The following FBXL17 variants were observed in gnomAD, a reference collection of about 807,000 sequenced individuals.
The protein encoded by FBXL17 is F-box/LRR-repeat protein 17.
A neutral mutation model predicts 66.2 loss-of-function variants in FBXL17; 22 were observed. The ratio of observed to expected loss-of-function variants is 0.33; its 90% CI spans 0.24 to 0.47. The LOEUF is 0.47. Ranked by LOEUF, FBXL17 falls within the 20% of genes least tolerant of loss-of-function variation. FBXL17 has a pLI of 1.00. For missense variants in FBXL17, 878 were observed against 948.2 expected (o/e 0.93, Z 0.97); for synonymous variants, 474 against 400.5 (o/e 1.18, Z -2.19).
intron 7 of FBXL17, among the ~76,000 whole-genome samples, chr5:107,890,357 T>TAA (rs397961122): frequency 1.3e-4 from 19 of 141,490 alleles, no homozygotes; most frequent in South Asian, 2.2e-4. Context: ...GGTCTCAGAT[T>TAA]AAAAAAAAAA....
intron 2 of FBXL17, 35 bp from the exon 3 acceptor site, chr5:108,365,030 C>T (rs554444610): frequency 4.0e-6 from 6 of 1,513,508 alleles, no homozygotes; most frequent in Non-Finnish European, 5.4e-6. Context: ...TAAACTTTTG[C>T]TAAAAATAAA....
At chr5:108,113,157 C>G (rs573351261) in intron 6 of FBXL17, among the ~76,000 whole-genome samples, 3 of 152,250 alleles carry the variant, frequency 2.0e-5, no homozygotes, top group Admixed American at 2.0e-4. Flanking sequence ...GGCAGTATTG[C>G]AGGGAAGGTA....
intron 1 of FBXL17, among the ~76,000 whole-genome samples, chr5:108,380,121 C>T (rs897991421): frequency 2.0e-5 from 3 of 152,194 alleles, no homozygotes; most frequent in Non-Finnish European, 4.4e-5. Context: ...TGACTCACTA[C>T]TATAAACCGT....
chr5:107,939,560 G>A (rs1488083153), intron 7 of FBXL17, among the ~76,000 whole-genome samples: 1 of 152,090 alleles, frequency 6.6e-6, no homozygotes, highest in Non-Finnish European at 1.5e-5. Flanking sequence ...TTAATGTCAG[G>A]CTGCTGTATA....
At chr5:108,030,512 T>C (rs1746568493) in intron 6 of FBXL17, among the ~76,000 whole-genome samples, 1 of 152,170 alleles carries the variant, frequency 6.6e-6, no homozygotes, top group South Asian at 2.1e-4. Flanking sequence ...AGATTTGCGT[T>C]ATTTTAAAGG....
At chr5:108,113,783 A>G (rs1331337006) in intron 6 of FBXL17, among the ~76,000 whole-genome samples, 3 of 152,204 alleles carry the variant, frequency 2.0e-5, no homozygotes, top group African/African-American at 4.8e-5. Flanking sequence ...TATCCCCAGA[A>G]TCATTCTATA....
At chr5:108,294,427 T>G (rs1234366361) in intron 4 of FBXL17, among the ~76,000 whole-genome samples, 1 of 151,890 alleles carries the variant, frequency 6.6e-6, no homozygotes, top group Non-Finnish European at 1.5e-5. Flanking sequence ...TCCCAAAAAA[T>G]ACTTTGTGCT....
At chr5:108,110,071 C>T (rs1175695173) in intron 6 of FBXL17, among the ~76,000 whole-genome samples, 3 of 152,052 alleles carry the variant, frequency 2.0e-5, no homozygotes, top group Admixed American at 2.0e-4. Flanking sequence ...CCTATTGGTA[C>T]CACACAGCTT....
intron 4 of FBXL17, among the ~76,000 whole-genome samples, chr5:108,270,107 A>G (rs1314735180): frequency 6.6e-6 from 1 of 152,146 alleles, no homozygotes; most frequent in Admixed American, 6.5e-5. Flanking sequence ...ATACTAAAGA[A>G]GTAAACAATC....
Position 108,170,156 on chromosome 5 carries a change from T to C in FBXL17, c.1745+15961A>G, listed in dbSNP as rs139332541. 1.4e-4 allele frequency among the ~76,000 whole-genome samples: 21 copies of C among 152,164 alleles called. No homozygotes were observed. The East Asian group carries it at 4.0e-3, about 29-fold the overall frequency. ...AATTTATTAATGAAAAAAAATTATATCAACACCAAAAATAGGAATTCAGTT... is the reference window on the plus strand; with the variant it reads ...AATTTATTAATGAAAAAAAATTATACCAACACCAAAAATAGGAATTCAGTT... On this transcript the variant is annotated intron_variant, in intron 6 of 8. Coordinates refer to ENST00000542267, the MANE Select transcript of FBXL17 (RefSeq NM_001163315.3).
At chr5:107,883,846 G>A (rs1353646606) in intron 7 of FBXL17, among the ~76,000 whole-genome samples, 1 of 152,184 alleles carries the variant, frequency 6.6e-6, no homozygotes, top group Non-Finnish European at 1.5e-5. Flanking sequence ...TACATCAGAA[G>A]CCCTCACAGA....
intron 6 of FBXL17, among the ~76,000 whole-genome samples, chr5:108,053,215 G>A (rs189214887): frequency 5.1e-4 from 77 of 152,230 alleles, no homozygotes; most frequent in African/African-American, 1.8e-3. Flanking sequence ...TTAAACTAAA[G>A]AGTATCTGCA....
At chr5:108,113,385 A>T (rs1045283360) in intron 6 of FBXL17, among the ~76,000 whole-genome samples, 2 of 152,206 alleles carry the variant, frequency 1.3e-5, no homozygotes, top group Non-Finnish European at 2.9e-5. Context: ...TTATGTGTAT[A>T]TATTTAAAAA....
At chr5:107,932,893 T>C (rs1328719259) in intron 7 of FBXL17, among the ~76,000 whole-genome samples, 9 of 152,040 alleles carry the variant, frequency 5.9e-5, no homozygotes, top group Non-Finnish European at 1.3e-4. Context: ...TCGTTCAGTG[T>C]TGATTGTGGA....
chr5:108,104,433 A>G (rs1423763529), intron 6 of FBXL17, among the ~76,000 whole-genome samples: 1 of 152,232 alleles, frequency 6.6e-6, no homozygotes, highest in East Asian at 1.9e-4. Context: ...TCAATCCTCT[A>G]AGACTTCTCT....
chr5:108,131,742 C>T (rs1425758369), intron 6 of FBXL17, among the ~76,000 whole-genome samples: 1 of 151,912 alleles, frequency 6.6e-6, no homozygotes, highest in Non-Finnish European at 1.5e-5. Context: ...TATTATATGG[C>T]TACAGTAATT....
intron 6 of FBXL17, among the ~76,000 whole-genome samples, chr5:108,073,167 T>C (rs1325142501): frequency 6.6e-6 from 1 of 152,194 alleles, no homozygotes; most frequent in Non-Finnish European, 1.5e-5. Flanking sequence ...ACTTCTAAAC[T>C]GAGTAACACC....
intron 8 of FBXL17, among the ~76,000 whole-genome samples, chr5:107,876,065 C>A (rs547746923): frequency 6.6e-6 from 1 of 152,214 alleles, no homozygotes; most frequent in Non-Finnish European, 1.5e-5. Context: ...TATGTCTGTT[C>A]CTTAAGTAAC....
chr5:108,075,141 A>C (rs939927652), intron 6 of FBXL17, among the ~76,000 whole-genome samples: 1 of 152,182 alleles, frequency 6.6e-6, no homozygotes, highest in African/African-American at 2.4e-5. Flanking sequence ...TAAAAACTGC[A>C]AATACTTTGT....
Sources: allele counts gnomAD v4.1 joint callset (sites outside exome capture counted in the v4.1 genomes callset), GRCh38; gene constraint gnomAD v4.1.1; transcripts MANE v1.5; gene names NCBI Gene and HGNC (gene_info 2026-07-23, HGNC 2026-07-21).